Variants in MAGED1 observed in about 807,000 individuals in gnomAD.
The protein encoded by MAGED1 is MAGE family member D1, also known as melanoma-associated antigen D1.
Under a neutral mutation model 54.1 loss-of-function variants are expected in MAGED1, and 3 were observed. The observed-to-expected ratio is 0.06, with a 90% CI of 0.03 to 0.14. The LOEUF (loss-of-function observed/expected upper bound fraction) is 0.14, where lower values mean the gene tolerates loss of function less well. Ranked by LOEUF, MAGED1 falls within the 10% of genes least tolerant of loss-of-function variation. MAGED1 has a pLI of 1.00. For synonymous variants in MAGED1, 217 were observed against 227.3 expected (o/e 0.95, Z 0.41); for missense variants, 485 against 623.4 (o/e 0.78, Z 2.36).
chrX:51,818,476 C>T (rs140671699), intron 1 of MAGED1, among the ~76,000 whole-genome samples: 1 of 111,797 alleles, frequency 8.9e-6, no homozygotes, highest in East Asian at 2.8e-4. Flanking sequence ...GGGGACCCAT[C>T]ACCCCTCTCC....
intron 1 of MAGED1, among the ~76,000 whole-genome samples, chrX:51,852,874 G>A (rs1334068845): frequency 9.0e-6 from 1 of 111,442 alleles, no homozygotes; most frequent in Non-Finnish European, 1.9e-5. Flanking sequence ...TCGTTATGCT[G>A]GCAGAAATGG....
intron 1 of MAGED1, among the ~76,000 whole-genome samples, chrX:51,854,921 T>C (rs1927033582): frequency 9.0e-6 from 1 of 110,909 alleles, no homozygotes; most frequent in South Asian, 3.9e-4. Flanking sequence ...TTTCCTCTCC[T>C]AGTTCTACAC....
intron 1 of MAGED1, among the ~76,000 whole-genome samples, chrX:51,858,635 C>A (rs1352590708): frequency 1.8e-5 from 2 of 111,425 alleles, no homozygotes; most frequent in African/African-American, 6.5e-5. Flanking sequence ...GATAGCTTCA[C>A]CATCAGGAAC....
chrX:51,894,308 G>T lies in MAGED1; in HGVS notation c.4G>T (p.Ala2Ser), dbSNP rs1557363866. The T allele has an allele frequency of 1.7e-6, 2 of 1,201,532 alleles. No homozygotes were observed. Among genetic ancestry groups the T allele is most frequent in the Non-Finnish European group, 2.2e-6 (2 of 890,487 alleles). Residue 2 changes from alanine to serine, a missense_variant, in exon 2 of 13, where the codon GCT (alanine) becomes TCT (serine). Coordinates refer to ENST00000326587, the MANE Select transcript of MAGED1 (RefSeq NM_006986.4). Reference sequence around the variant, plus strand: ...TCTTGCCAGAGGGACAGGAGCCATGGCTCAGAAAATGGACTGTGGTGCGGG... The same window carrying T: ...TCTTGCCAGAGGGACAGGAGCCATGTCTCAGAAAATGGACTGTGGTGCGGG... Reference protein sequence around the residue: MAQKMDCGAGLL... With the variant: MSQKMDCGAGLL...
chrX:51,888,952 C>T (rs868972423), upstream of MAGED1, among the ~76,000 whole-genome samples: 1 of 111,516 alleles, frequency 9.0e-6, no homozygotes, highest in African/African-American at 3.3e-5. Context: ...TAGTGGCTGC[C>T]AGGGGTTAGG....
intron 1 of MAGED1, among the ~76,000 whole-genome samples, chrX:51,814,277 G>A (rs1925327893): frequency 9.0e-6 from 1 of 111,630 alleles, no homozygotes; most frequent in Non-Finnish European, 1.9e-5. Context: ...TGCTGCCGCT[G>A]CCGCTGCTGC....
intron 1 of MAGED1, among the ~76,000 whole-genome samples, chrX:51,826,419 T>G (rs1420182359): frequency 1.8e-5 from 2 of 111,263 alleles, no homozygotes; most frequent in African/African-American, 6.5e-5. Flanking sequence ...AAGTGTGAGG[T>G]TTGTGTCATA....
intron 1 of MAGED1, among the ~76,000 whole-genome samples, chrX:51,851,198 A>G (rs1926879862): frequency 8.9e-6 from 1 of 111,865 alleles, no homozygotes; most frequent in Non-Finnish European, 1.9e-5. Context: ...CACTGTTGAA[A>G]TAGAAATCAT....
Position 51,839,154 on chromosome X carries a change from T to C in MAGED1, c.-37+36037T>C, listed in dbSNP as rs144087144. Among the ~76,000 whole-genome samples the C allele has an allele frequency of 6.6e-3, 732 of 111,515 alleles. 7 individuals are homozygous for C. Among genetic ancestry groups the C allele is most frequent in the African/African-American group, 0.022 (684 of 30,751 alleles). The stretch of plus-strand genomic sequence containing the variant: ...GCCAGAGCTCTCTAGAAGAGCAGAG[T>C]GTTTCTTAATTTTATTCCAGTCAGA... On this transcript the variant is annotated intron_variant, in intron 1 of 12. Coordinates refer to the MAGED1 transcript ENST00000375772.
Position 51,819,023 on chromosome X carries a change from GGACTTACA to G in MAGED1, c.-37+15909_-37+15916del, listed in dbSNP as rs782043500. ...CTTTCTTTACAGACTTCATTCTGAAGGACTTACAGAGCACCATACTGGCTTCATTAAAC... is the reference window on the plus strand; with the variant it reads ...CTTTCTTTACAGACTTCATTCTGAAGGAGCACCATACTGGCTTCATTAAAC... On this transcript the variant is annotated intron_variant, in intron 1 of 12. Coordinates refer to the MAGED1 transcript ENST00000375772. Among the ~76,000 whole-genome samples the G allele has an allele frequency of 4.5e-5, 5 of 111,799 alleles. No individual in the cohort carries two copies. In the South Asian group the frequency reaches 1.9e-3, roughly 43 times the overall value.
intron 1 of MAGED1, among the ~76,000 whole-genome samples, chrX:51,831,009 G>A (rs912739117): frequency 2.7e-5 from 3 of 111,094 alleles, no homozygotes; most frequent in Non-Finnish European, 5.7e-5. Flanking sequence ...CTACAGGCGC[G>A]TGCCACCACG....
At chrX:51,847,931 G>C (rs1052240400) in intron 1 of MAGED1, among the ~76,000 whole-genome samples, 30 of 112,036 alleles carry the variant, frequency 2.7e-4, no homozygotes, top group African/African-American at 8.4e-4. Flanking sequence ...TCTAGAATAG[G>C]TATCTAGAAG....
At chrX:51,830,596 C>G (rs1412397371) in intron 1 of MAGED1, among the ~76,000 whole-genome samples, 2 of 107,378 alleles carry the variant, frequency 1.9e-5, no homozygotes, top group African/African-American at 6.8e-5. Context: ...ATGCAGAAAT[C>G]TGGAGGAGAA....
chrX:51,890,832 C>CA (rs11393540), upstream of MAGED1, among the ~76,000 whole-genome samples: 20,642 of 62,596 alleles, frequency 0.33, 2,409 homozygotes, highest in Non-Finnish European at 0.41. Context: ...ATAAGATTGG[C>CA]AAAAAAAAAA....
At chrX:51,828,679 G>A (rs1557357142) in intron 1 of MAGED1, among the ~76,000 whole-genome samples, 1 of 111,027 alleles carries the variant, frequency 9.0e-6, no homozygotes, top group Non-Finnish European at 1.9e-5. Flanking sequence ...GTCTTGTAAG[G>A]GCAGGAGTGA....
intron 1 of MAGED1, among the ~76,000 whole-genome samples, chrX:51,853,346 T>G (rs1167877873): frequency 8.9e-6 from 1 of 112,175 alleles, no homozygotes; most frequent in Non-Finnish European, 1.9e-5. Context: ...TGTCAGCTGA[T>G]CCTGCTGATT....
intron 1 of MAGED1, among the ~76,000 whole-genome samples, chrX:51,855,340 A>G: frequency 8.9e-6 from 1 of 112,494 alleles, no homozygotes; most frequent in East Asian, 2.8e-4. Flanking sequence ...TTTATTAACT[A>G]GAGATAAATA....
chrX:51,855,681 A>G (rs1387452772), intron 1 of MAGED1, among the ~76,000 whole-genome samples: 2 of 111,202 alleles, frequency 1.8e-5, no homozygotes, highest in Non-Finnish European at 3.8e-5. Flanking sequence ...GCCCACCACC[A>G]TGCCCGGCTA....
intron 1 of MAGED1, among the ~76,000 whole-genome samples, chrX:51,887,972 C>T (rs1928299996): frequency 9.0e-6 from 1 of 110,938 alleles, no homozygotes. Context: ...CATGAACTCT[C>T]AATATTCAAC....
Sources: gnomAD v4.1 joint callset for allele counts (sites outside exome capture counted in the v4.1 genomes callset) on GRCh38, gnomAD v4.1.1 for gene constraint, MANE v1.5 for transcripts, NCBI Gene and HGNC (gene_info 2026-07-23, HGNC 2026-07-21) for gene names.